BCL2: variants seen among roughly 807,000 people sequenced by gnomAD.
The protein encoded by BCL2 is apoptosis regulator Bcl-2.
BCL2 carries 1 observed loss-of-function variant against 14.2 expected under a neutral mutation model. That is an observed-to-expected ratio of 0.07 (90% CI 0.02 to 0.33). The LOEUF is 0.33. Ranked by LOEUF, BCL2 falls within the 10% of genes least tolerant of loss-of-function variation. BCL2 has a pLI of 0.99. For missense variants in BCL2, 247 were observed against 305.9 expected (o/e 0.81, Z 1.44); for synonymous variants, 151 against 137.2 (o/e 1.10, Z -0.70).
At chr18:63,209,348 T>C (rs1909933658) in intron 2 of BCL2, among the ~76,000 whole-genome samples, 1 of 152,106 alleles carries the variant, frequency 6.6e-6, no homozygotes, top group Non-Finnish European at 1.5e-5. Context: ...GCCTATGTCA[T>C]TTCTAGGAAC....
intron 2 of BCL2, among the ~76,000 whole-genome samples, chr18:63,267,095 G>A (rs1425542094): frequency 2.0e-5 from 3 of 152,184 alleles, no homozygotes; most frequent in African/African-American, 7.2e-5. Context: ...GGGAAGCCTG[G>A]GTGACTGGCA....
intron 2 of BCL2, among the ~76,000 whole-genome samples, chr18:63,133,869 A>G (rs1214132497): frequency 6.6e-6 from 1 of 152,264 alleles, no homozygotes; most frequent in African/African-American, 2.4e-5. Flanking sequence ...CAGATTATGT[A>G]TAATAGCATA....
At chr18:63,183,533 C>T (rs4987796) in intron 2 of BCL2, among the ~76,000 whole-genome samples, 1 of 152,108 alleles carries the variant, frequency 6.6e-6, no homozygotes, top group African/African-American at 2.4e-5. Context: ...GCCATCAGCT[C>T]AGCTGTGCCC....
At chr18:63,146,407 G>A (rs555640897) in intron 2 of BCL2, among the ~76,000 whole-genome samples, 72 of 152,204 alleles carry the variant, frequency 4.7e-4, no homozygotes, top group Non-Finnish European at 9.1e-4. Context: ...AAGAAATGGA[G>A]CGAGGTAACT....
chr18:63,236,041 C>T (rs745867396), intron 2 of BCL2, among the ~76,000 whole-genome samples: 40 of 152,120 alleles, frequency 2.6e-4, no homozygotes, highest in Non-Finnish European at 5.1e-4. Flanking sequence ...TGGGAGGCAA[C>T]TGAATCATGG....
chr18:63,148,734 T>C, intron 2 of BCL2, among the ~76,000 whole-genome samples: 1 of 152,056 alleles, frequency 6.6e-6, no homozygotes, highest in Non-Finnish European at 1.5e-5. Context: ...ATTCTCCTTA[T>C]TATAGAGGTA....
intron 2 of BCL2, among the ~76,000 whole-genome samples, chr18:63,168,829 G>T (rs1201169180): frequency 1.3e-5 from 2 of 152,206 alleles, no homozygotes; most frequent in African/African-American, 4.8e-5. Context: ...GAGAAAAGGT[G>T]ACCTGAGGGT....
chr18:63,294,781 C>A (rs1409223475), intron 2 of BCL2, among the ~76,000 whole-genome samples: 1 of 152,120 alleles, frequency 6.6e-6, no homozygotes, highest in African/African-American at 2.4e-5. Flanking sequence ...AAACCGAGAA[C>A]ATGCAGTGAT....
At chr18:63,197,126 G>A (rs1397903089) in intron 2 of BCL2, among the ~76,000 whole-genome samples, 1 of 152,220 alleles carries the variant, frequency 6.6e-6, no homozygotes, top group East Asian at 1.9e-4. Flanking sequence ...GAAAGTTATG[G>A]CTTGTTGACA....
At chr18:63,176,920 C>CT (rs11346034) in intron 2 of BCL2, among the ~76,000 whole-genome samples, 17,377 of 144,222 alleles carry the variant, frequency 0.12, 1,993 homozygotes, top group African/African-American at 0.3. Flanking sequence ...TTCTTCTTTT[C>CT]TTTTTTTTTT....
chr18:63,278,269 C>T (rs1326291758), intron 2 of BCL2, among the ~76,000 whole-genome samples: 3 of 152,176 alleles, frequency 2.0e-5, no homozygotes, highest in Non-Finnish European at 4.4e-5. Flanking sequence ...AGGCCAAATA[C>T]AGTCCAGATA....
At position 63,223,140 on chromosome 18, in the gene BCL2, G is replaced by T. The variant is rs554175161; in HGVS notation, c.586-94381C>A. 8.0e-4 allele frequency among the ~76,000 whole-genome samples: 122 copies of T among 152,128 alleles called. 1 individual carries two copies. In the South Asian group the frequency reaches 0.025, roughly 31 times the overall value. On this transcript the variant is annotated intron_variant, in intron 2 of 2. Transcript: ENST00000333681. ...AACAGGGCAGGGCGTGGTGGCTCACGCCTGTAATCCCAGCACTTTGGGAGG... is the reference window on the plus strand; with the variant it reads ...AACAGGGCAGGGCGTGGTGGCTCACTCCTGTAATCCCAGCACTTTGGGAGG...
chr18:63,287,440 T>C (rs954138516), intron 2 of BCL2, among the ~76,000 whole-genome samples: 8 of 151,938 alleles, frequency 5.3e-5, no homozygotes, highest in African/African-American at 1.5e-4. Flanking sequence ...TTTTGGAAAA[T>C]ACAAAACTCT....
intron 2 of BCL2, among the ~76,000 whole-genome samples, chr18:63,151,892 A>G (rs1457109101): frequency 6.6e-6 from 1 of 152,242 alleles, no homozygotes; most frequent in African/African-American, 2.4e-5. Context: ...AATGAGCTAG[A>G]AAACAGAGAG....
intron 2 of BCL2, among the ~76,000 whole-genome samples, chr18:63,147,534 T>C (rs1914543833): frequency 1.3e-5 from 2 of 152,230 alleles, no homozygotes; most frequent in Admixed American, 1.3e-4. Flanking sequence ...CTAGGAATGT[T>C]CTTGATATTC....
chr18:63,166,015 G>A (rs1351499064), intron 2 of BCL2, among the ~76,000 whole-genome samples: 1 of 152,186 alleles, frequency 6.6e-6, no homozygotes, highest in Non-Finnish European at 1.5e-5. Flanking sequence ...TTAAACAAGG[G>A]TCCTTCATCC....
intron 2 of BCL2, among the ~76,000 whole-genome samples, chr18:63,178,977 A>G (rs560575917): frequency 1.3e-5 from 2 of 152,166 alleles, no homozygotes; most frequent in African/African-American, 4.8e-5. Context: ...ACTTGAGTCA[A>G]TTAAAATTAA....
intron 2 of BCL2, among the ~76,000 whole-genome samples, chr18:63,280,468 G>A (rs925252800): frequency 5.9e-5 from 9 of 152,228 alleles, no homozygotes; most frequent in African/African-American, 1.4e-4. Flanking sequence ...TGTAAAGAAC[G>A]CCTACAACTC....
chr18:63,286,473 A>G (rs1390734776), intron 2 of BCL2, among the ~76,000 whole-genome samples: 2 of 152,110 alleles, frequency 1.3e-5, no homozygotes, highest in Non-Finnish European at 2.9e-5. Context: ...AGTTGAACGT[A>G]GCTGGGACGT....
Sources: gnomAD v4.1 joint callset for allele counts (sites outside exome capture counted in the v4.1 genomes callset) on GRCh38, gnomAD v4.1.1 for gene constraint, MANE v1.5 for transcripts, NCBI Gene and HGNC (gene_info 2026-07-23, HGNC 2026-07-21) for gene names.